Variants in ZNF462 observed in about 807,000 individuals in gnomAD.
The protein encoded by ZNF462 is zinc finger PBX1-interacting protein.
In ZNF462, 10 loss-of-function variants were observed where a neutral mutation model predicts 201.9. The ratio of observed to expected loss-of-function variants is 0.05; its 90% confidence interval spans 0.03 to 0.08. ZNF462 has a LOEUF of 0.08. Among genes scored for constraint, ZNF462 ranks in the 10% least tolerant of loss-of-function variants. The pLI is 1.00. For missense variants in ZNF462, 2,523 were observed against 3,168.3 expected, an observed-to-expected ratio of 0.80 and a Z score of 4.89; for synonymous variants, 1,227 against 1,193.3, an observed-to-expected ratio of 1.03 and a Z score of -0.58.
Position 107,003,403 on chromosome 9 carries a change from T to G in ZNF462, c.7166T>G (p.Met2389Arg). The G allele has an allele frequency of 6.2e-7, 1 of 1,613,498 alleles. No individual in the cohort carries two copies. Among genetic ancestry groups the G allele is most frequent in the Non-Finnish European group, 8.5e-7 (1 of 1,179,744 alleles). ...GATGATGAGGACAAGGAAGAAGAAA[T>G]GAACAGCAAGGCTGAAGACAGAGGT... ...SSDDEDKEEE[M>R]NSKAEDRELM... is the part of the protein sequence containing the mutation. The change falls in exon 11 of 13, where the codon ATG becomes AGG. Residue 2389 changes from methionine to arginine, a missense_variant. Around this residue, in one of 15 missense-constraint regions of ZNF462, gnomAD observed 228 missense variants for 361.2 expected, o/e 0.63. Transcript: ENST00000277225. The surrounding 1 kb of genome is among the most constrained non-coding windows in gnomAD (Gnocchi z 4.4).
rs951302676 is a variant in ZNF462 at position 106,890,673 on chromosome 9, C to T, written c.-31+27318C>T. On this transcript the variant is annotated intron_variant, in intron 1 of 12. Transcript: ENST00000277225. The surrounding 1 kb of genome is among the most constrained non-coding windows in gnomAD (Gnocchi z 4.2). ...TGTACCTAGGGTCAGAGGGCATATG[C>T]TCTGATATGGAATTTTGGAGGTCAT... Among the ~76,000 whole-genome samples the T allele has an allele frequency of 6.6e-6, 1 of 152,162 alleles. No individual in the cohort carries two copies. The highest frequency in any genetic ancestry group is 1.5e-5 in the Non-Finnish European group (1 of 68,038).
rs1829643551 is a variant in ZNF462 at position 106,913,632 on chromosome 9, C to T, written c.-30-9722C>T. The stretch of plus-strand genomic sequence containing the variant: ...TTTTTTTTTTTGAGACAATCTCATT[C>T]TGTGACCCAGGCTGGAGTGCAGTGG... On this transcript the variant is annotated intron_variant, in intron 1 of 12. Coordinates refer to ENST00000277225, the MANE Select transcript of ZNF462 (RefSeq NM_021224.6). The surrounding 1 kb of genome is among the most constrained non-coding windows in gnomAD (Gnocchi z 4.1). Among the ~76,000 whole-genome samples, 1 of 150,250 alleles carries T rather than the reference C, an allele frequency of 6.7e-6. No homozygotes were observed.
intron 1 of ZNF462, among the ~76,000 whole-genome samples, chr9:106,908,477 CCTT>C (rs1177567010): frequency 2.6e-5 from 4 of 151,790 alleles, no homozygotes. Context: ...ATGATTTCTT[CCTT>C]CTTTTGCTTG....
intron 7 of ZNF462, among the ~76,000 whole-genome samples, chr9:106,948,673 T>C (rs751346003): frequency 1.1e-4 from 16 of 151,950 alleles, no homozygotes; most frequent in Non-Finnish European, 2.1e-4. Flanking sequence ...TTTTTTTTTT[T>C]CTTCAAAACT....
At chr9:106,907,328 ACC>A (rs2131253832) in intron 1 of ZNF462, among the ~76,000 whole-genome samples, 1 of 152,266 alleles carries the variant, frequency 6.6e-6, no homozygotes, top group African/African-American at 2.4e-5. Flanking sequence ...GAGACTTTAG[ACC>A]AGTTTAAAAA....
intron 7 of ZNF462, among the ~76,000 whole-genome samples, chr9:106,961,929 G>A (rs1394712319): frequency 6.6e-6 from 1 of 151,920 alleles, no homozygotes; most frequent in African/African-American, 2.4e-5. Flanking sequence ...AGGGGGAAAA[G>A]GCATAAAAAG....
chr9:106,925,174 G>T lies in ZNF462; in HGVS notation c.1262G>T (p.Gly421Val). The T allele has an allele frequency of 1.2e-6, 2 of 1,614,214 alleles. No homozygotes were observed. The highest frequency in any genetic ancestry group is 1.7e-6 in the Non-Finnish European group (2 of 1,180,044). Residue 421 changes from glycine (G) to valine (V), a missense_variant, in exon 3 of 13, where the codon GGC becomes GTC. By Grantham distance (109) the Gly-to-Val change is moderately radical (BLOSUM62 -3). This residue lies in a region of ZNF462 where 480 missense variants were observed against 544.4 expected (regional missense o/e 0.88). Coordinates refer to ENST00000277225, the MANE Select transcript of ZNF462 (RefSeq NM_021224.6). This position sits in a 1 kb window ranked among gnomAD's most constrained non-coding sequence, Gnocchi z 7.9. The part of the protein sequence containing the change: ...LSAEQLMGSD[G>V]NKLLETKGIP... ...GCAGAGCAGCTGATGGGCTCAGATG[G>T]CAACAAATTATTGGAGACCAAGGGG...
chr9:106,894,153 T>C (rs1285511012), intron 1 of ZNF462, among the ~76,000 whole-genome samples: 3 of 152,236 alleles, frequency 2.0e-5, no homozygotes, highest in Non-Finnish European at 4.4e-5. Context: ...CCATTGTTAA[T>C]TGATAAAGAC....
intron 10 of ZNF462, among the ~76,000 whole-genome samples, chr9:106,985,427 C>T (rs16926035): frequency 0.11 from 17,392 of 151,982 alleles, 2,278 homozygotes; most frequent in African/African-American, 0.32. Context: ...AGAGGTTTGC[C>T]GATCAGAGGG....
intron 6 of ZNF462, among the ~76,000 whole-genome samples, chr9:106,937,909 G>T (rs1830698988): frequency 6.6e-6 from 1 of 151,976 alleles, no homozygotes; most frequent in African/African-American, 2.4e-5. Flanking sequence ...ATTTATTAAA[G>T]GATATCTTCT....
intron 10 of ZNF462, among the ~76,000 whole-genome samples, chr9:106,994,102 G>A (rs184628282): frequency 9.9e-5 from 15 of 152,190 alleles, no homozygotes; most frequent in East Asian, 5.8e-4. Flanking sequence ...TGGTCCGCTC[G>A]TAAAATTGTC....
rs1192231869 is a variant in ZNF462 at position 106,908,910 on chromosome 9, CATATATATATATATATATAT to C, written c.-30-14431_-30-14412del. Among the ~76,000 whole-genome samples the C allele has an allele frequency of 1.8e-4, 8 of 43,988 alleles. No homozygotes were observed. The Admixed American group carries it at 2.6e-3, about 14-fold the overall frequency. The allele number at this position is 43,988 out of a possible 152,430, so 28.9% of individuals were successfully genotyped here. A position where few individuals can be genotyped will look rare whatever the true frequency, so the allele number is the denominator to read the frequency against. On this transcript the variant is annotated intron_variant, in intron 1 of 12. Transcript: ENST00000277225. ...AGTTGAGAATATTTGCCCATATATACATATATATATATATATATATATATATATATATTTTTTTTTTTTTT... is the reference window on the plus strand; with the variant it reads ...AGTTGAGAATATTTGCCCATATATACATATATATATATTTTTTTTTTTTTT...
chr9:106,922,237 C>T (rs1830020626), intron 1 of ZNF462, among the ~76,000 whole-genome samples: 1 of 152,172 alleles, frequency 6.6e-6, no homozygotes, highest in Non-Finnish European at 1.5e-5. Context: ...GATGATCTTA[C>T]TGAAGTAACT....
chr9:107,007,442 C>G (rs539969808), intron 11 of ZNF462, among the ~76,000 whole-genome samples: 1 of 152,192 alleles, frequency 6.6e-6, no homozygotes, highest in Non-Finnish European at 1.5e-5. Context: ...ATAGTGTCCA[C>G]ATTCGTGAGC....
intron 1 of ZNF462, among the ~76,000 whole-genome samples, chr9:106,915,139 C>T (rs1421167068): frequency 6.6e-6 from 1 of 151,190 alleles, no homozygotes; most frequent in Non-Finnish European, 1.5e-5. Context: ...TACCTACTGT[C>T]GCTTTTTGGT....
chr9:106,863,603 AGAG>A (rs1211333934), intron 1 of ZNF462, among the ~76,000 whole-genome samples: 42 of 149,042 alleles, frequency 2.8e-4, no homozygotes, highest in Non-Finnish European at 4.6e-4. Flanking sequence ...CGAGGGAGGA[AGAG>A]GAGGAGGAGG....
Position 106,930,776 on chromosome 9 carries a change from A to C in ZNF462, c.6012+87A>C. 1 of 1,506,706 alleles carries C rather than the reference A, an allele frequency of 6.6e-7. No homozygotes were observed. Among genetic ancestry groups the C allele is most frequent in the East Asian group, 2.3e-5 (1 of 43,656 alleles). The allele number at this position is 1,506,706 out of a possible 1,614,324, so 93.3% of individuals were successfully genotyped here. ...CATTGCCTAAAGCAGCTCAGGAAAG[A>C]GCATCTCAGAATGCGGGCATTCCTG... On this transcript the variant is annotated intron_variant, in intron 4 of 12. Transcript: ENST00000277225. This position sits in a 1 kb window ranked among gnomAD's most constrained non-coding sequence, Gnocchi z 5.8.
intron 1 of ZNF462, among the ~76,000 whole-genome samples, chr9:106,879,332 A>ACC (rs796290122): frequency 0.058 from 4,066 of 70,358 alleles, 108 homozygotes; most frequent in South Asian, 0.1. Flanking sequence ...GATGCTTTCC[A>ACC]CCCCCCCCCC....
At position 106,925,812 on chromosome 9, in the gene ZNF462, G is replaced by A. The variant is rs1261663311; in HGVS notation, c.1900G>A (p.Gly634Arg). The stretch of plus-strand genomic sequence containing the variant: ...CTGTGACAACTTGCCAAAATTCGAG[G>A]GGCAGCCCTCAAGCCTACCATTGGA... ...SFCDNLPKFE[G>R]QPSSLPLENE... The change falls in exon 3 of 13, where the codon GGG (glycine) becomes AGG (arginine). Residue 634 changes from glycine to arginine, a missense_variant. Gly to Arg is a moderately radical substitution (Grantham distance 125). This residue lies in a region of ZNF462 where 383 missense variants were observed against 453.4 expected (regional missense o/e 0.84). Coordinates refer to ENST00000277225, the MANE Select transcript of ZNF462 (RefSeq NM_021224.6). The surrounding 1 kb of genome is among the most constrained non-coding windows in gnomAD (Gnocchi z 7.9). 1.2e-6 allele frequency: 2 copies of A among 1,614,032 alleles called. No individual in the cohort carries two copies. The highest frequency in any genetic ancestry group is 8.5e-7 in the Non-Finnish European group (1 of 1,180,040).
Sources: allele counts gnomAD v4.1 joint callset (sites outside exome capture counted in the v4.1 genomes callset), GRCh38; gene constraint gnomAD v4.1.1; regional missense constraint gnomAD v4.1.1; non-coding constraint Gnocchi (gnomAD v3.1); transcripts MANE v1.5; gene names NCBI Gene and HGNC (gene_info 2026-07-23, HGNC 2026-07-21).